The following CSNK1G2 variants were observed in gnomAD, a reference collection of about 807,000 sequenced individuals.
The protein encoded by CSNK1G2 is casein kinase I isoform gamma-2.
A neutral mutation model predicts 48.0 loss-of-function variants in CSNK1G2; 11 were observed. The observed-to-expected ratio is 0.23, with a 90% CI of 0.14 to 0.38. The LOEUF is 0.38. Ranked by LOEUF, CSNK1G2 falls within the 10% of genes least tolerant of loss-of-function variation. CSNK1G2 has a pLI of 1.00. For missense variants in CSNK1G2, 446 were observed against 595.5 expected, an observed-to-expected ratio of 0.75 and a Z score of 2.61; for synonymous variants, 337 against 254.1, an observed-to-expected ratio of 1.33 and a Z score of -3.10.
At chr19:1,952,443 C>T (rs2014800478) in intron 1 of CSNK1G2, 1 of 152,216 alleles carries the variant, frequency 6.6e-6, no homozygotes, top group South Asian at 2.1e-4. Flanking sequence ...CTGCCTCAGC[C>T]TCCCGAGTAG....
At chr19:1,975,971 G>T (rs1329800760) in intron 2 of CSNK1G2, 1 of 956,806 alleles carries the variant, frequency 1.0e-6, no homozygotes, top group Non-Finnish European at 1.4e-6. Flanking sequence ...GGAGGCAGAG[G>T]TTCCAGTGAG....
intron 1 of CSNK1G2, among the ~76,000 whole-genome samples, chr19:1,963,042 G>GGCTCAATGAGACACT (rs1555681047): frequency 2.7e-5 from 4 of 149,394 alleles, no homozygotes; most frequent in South Asian, 2.2e-4. Flanking sequence ...CCTTCAGGAC[G>GGCTCAATGAGACACT]CCAGGCTCAA....
intron 1 of CSNK1G2, among the ~76,000 whole-genome samples, chr19:1,949,038 C>G (rs1360824938): frequency 6.6e-6 from 1 of 152,166 alleles, no homozygotes; most frequent in African/African-American, 2.4e-5. Flanking sequence ...CTCGCTGTCT[C>G]GGGTGGCAGA....
chr19:1,978,306 A>G lies in CSNK1G2; in HGVS notation c.189A>G (p.Gly63=), dbSNP rs199926525. The G allele has an allele frequency of 4.1e-5, 66 of 1,613,480 alleles. No homozygotes were observed. In the East Asian group the frequency reaches 4.9e-4, roughly 12 times the overall value. ...TGCTGATGGTCTCTGTCCCCGCAGG[A>G]AAGAATCTCTATACAAATGAATACG... ...GCGNFGELRL[G]KNLYTNEYVA... The change falls in exon 3 of 12, where the codon GGA becomes GGG. Residue 63 remains glycine (G), a splice_region_variant and synonymous_variant. Coordinates refer to ENST00000255641, the MANE Select transcript of CSNK1G2 (RefSeq NM_001319.7). The surrounding 1 kb of genome is among the most constrained non-coding windows in gnomAD (Gnocchi z 7.3).
chr19:1,953,641 G>A (rs114831566), intron 1 of CSNK1G2: 149 of 406,256 alleles, frequency 3.7e-4, no homozygotes, highest in African/African-American at 2.6e-3. Flanking sequence ...CTCTGCCCGT[G>A]GCCCTCACCT....
At chr19:1,970,901 A>C (rs1288036294) in intron 2 of CSNK1G2, among the ~76,000 whole-genome samples, 1 of 151,784 alleles carries the variant, frequency 6.6e-6, no homozygotes, top group African/African-American at 2.4e-5. Flanking sequence ...TGCCCATGGC[A>C]CCCATGGCAG....
rs1320718732 is a variant in CSNK1G2, at chr19:1,980,096, G to A, written c.1194-53G>A. On this transcript the variant is annotated intron_variant, in intron 11 of 11. Transcript: ENST00000255641. ...GGGGGTGGGAGGGCCTGAGGCCTGGGCTGCCCCCGCCCTGCACCCCGGTCC... is the reference window on the plus strand; with the variant it reads ...GGGGGTGGGAGGGCCTGAGGCCTGGACTGCCCCCGCCCTGCACCCCGGTCC... The A allele has an allele frequency of 1.6e-5, 26 of 1,607,474 alleles. No homozygotes were observed. In the Admixed American group the frequency reaches 3.2e-4, roughly 20 times the overall value.
At chr19:1,961,209 T>C (rs895003685) in intron 1 of CSNK1G2, among the ~76,000 whole-genome samples, 1 of 152,230 alleles carries the variant, frequency 6.6e-6, no homozygotes, top group South Asian at 2.1e-4. Context: ...GCATTCTCGC[T>C]GTCAGGGGGC....
intron 2 of CSNK1G2, chr19:1,976,036 A>G (rs1178798313): frequency 7.8e-7 from 1 of 1,288,078 alleles, no homozygotes; most frequent in Non-Finnish European, 1.0e-6. Flanking sequence ...CTCTGCTCCA[A>G]AAAGAAAAAA....
At chr19:1,963,611 G>A (rs1429901299) in intron 1 of CSNK1G2, among the ~76,000 whole-genome samples, 2 of 142,362 alleles carry the variant, frequency 1.4e-5, no homozygotes, top group African/African-American at 5.2e-5. Flanking sequence ...AGGTTCAAGC[G>A]ATTCTCCTGC....
Position 1,980,540 on chromosome 19 carries a change from G to A in CSNK1G2, c.*337G>A. 2.8e-6 allele frequency: 1 copy of A among 353,802 alleles called. No individual in the cohort carries two copies. The highest frequency in any genetic ancestry group is 2.8e-5 in the South Asian group (1 of 35,140). 21.9% of individuals were successfully genotyped at this position (353,802 alleles called of 1,614,324 possible). The stretch of plus-strand genomic sequence containing the variant: ...CCGTTTCTTTGCTGAAGTGAGTAGT[G>A]TGATCCTGGAGGCCCCCCGGCCTGG... On this transcript the variant is annotated 3_prime_UTR_variant, in exon 12 of 12. Coordinates refer to ENST00000255641, the MANE Select transcript of CSNK1G2 (RefSeq NM_001319.7).
At chr19:1,949,947 C>CT (rs1250742146) in intron 1 of CSNK1G2, among the ~76,000 whole-genome samples, 1 of 152,208 alleles carries the variant, frequency 6.6e-6, no homozygotes, top group Non-Finnish European at 1.5e-5. Flanking sequence ...CTGTGACGAG[C>CT]ACGGCCAGTG....
chr19:1,951,956 A>C (rs2145509724), intron 1 of CSNK1G2, among the ~76,000 whole-genome samples: 1 of 152,302 alleles, frequency 6.6e-6, no homozygotes, highest in East Asian at 1.9e-4. Context: ...CTGGGATTAC[A>C]GGCGAGAGCC....
chr19:1,966,283 G>T (rs1159130064), intron 1 of CSNK1G2, among the ~76,000 whole-genome samples: 3 of 152,192 alleles, frequency 2.0e-5, no homozygotes, highest in East Asian at 3.9e-4. Context: ...CAGGATGAGC[G>T]GAAGTTTGGA....
At chr19:1,943,557 A>T (rs1301583439) in intron 1 of CSNK1G2, among the ~76,000 whole-genome samples, 2 of 151,740 alleles carry the variant, frequency 1.3e-5, no homozygotes, top group Non-Finnish European at 2.9e-5. Flanking sequence ...AGGGGAAGCC[A>T]GTATGCCAGC....
At chr19:1,947,565 C>G (rs1047027199) in intron 1 of CSNK1G2, among the ~76,000 whole-genome samples, 5 of 152,212 alleles carry the variant, frequency 3.3e-5, no homozygotes, top group Non-Finnish European at 1.5e-5. Context: ...ACGGGACCAG[C>G]GTGAGGACAC....
intron 1 of CSNK1G2, among the ~76,000 whole-genome samples, chr19:1,948,179 C>A (rs562835806): frequency 6.6e-6 from 1 of 152,228 alleles, no homozygotes; most frequent in South Asian, 2.1e-4. Context: ...TGTCCCTCCC[C>A]CTCTCATCCC....
chr19:1,945,231 G>T (rs1378676341), intron 1 of CSNK1G2, among the ~76,000 whole-genome samples: 2 of 152,254 alleles, frequency 1.3e-5, no homozygotes, highest in Admixed American at 1.3e-4. Flanking sequence ...GCTGTGTCCT[G>T]GGCCCACAGG....
intron 1 of CSNK1G2, among the ~76,000 whole-genome samples, chr19:1,946,293 A>T (rs2014558138): frequency 6.8e-6 from 1 of 147,148 alleles, no homozygotes; most frequent in Non-Finnish European, 1.5e-5. Flanking sequence ...TTTATTTTTT[A>T]TTTATTTATT....
Sources: allele counts gnomAD v4.1 joint callset (sites outside exome capture counted in the v4.1 genomes callset), GRCh38; gene constraint gnomAD v4.1.1; non-coding constraint Gnocchi (gnomAD v3.1); transcripts MANE v1.5; gene names NCBI Gene and HGNC (gene_info 2026-07-23, HGNC 2026-07-21).